TEC: variants seen among roughly 807,000 people sequenced by gnomAD.
TEC encodes the protein tyrosine-protein kinase Tec.
A neutral mutation model predicts 93.0 loss-of-function variants in TEC; 72 were observed. The ratio of observed to expected loss-of-function variants is 0.77; its 90% CI spans 0.64 to 0.94. The LOEUF is 0.94. Ranked by LOEUF, TEC falls within the 40% of genes least tolerant of loss-of-function variation. TEC has a pLI of 0.00. For synonymous variants in TEC, 249 were observed against 247.7 expected (o/e 1.01, Z -0.05); for missense variants, 630 against 757.9 (o/e 0.83, Z 1.98).
rs1176224543 is a variant in TEC at position 48,185,812 on chromosome 4, CTCCCCCTCCCCCTCTCCCA to C, written c.139-9645_139-9627del. On this transcript the variant is annotated intron_variant, in intron 2 of 17. Coordinates refer to ENST00000381501, the MANE Select transcript of TEC (RefSeq NM_003215.3). ...CTCCCCCTCCCCCTCTCCCATCTCC[CTCCCCCTCCCCCTCTCCCA>C]TCTCCCTCTCCCTCTCCCTCTCCCG... 8.5e-5 allele frequency among the ~76,000 whole-genome samples: 11 copies of C among 129,930 alleles called. No homozygotes were observed. The East Asian group carries it at 1.2e-3, about 14-fold the overall frequency. 85.2% of individuals were successfully genotyped at this position (129,930 alleles called of 152,430 possible).
chr4:48,217,245 A>G (rs1723110490), intron 2 of TEC, among the ~76,000 whole-genome samples: 1 of 152,134 alleles, frequency 6.6e-6, no homozygotes, highest in Non-Finnish European at 1.5e-5. Flanking sequence ...TTGGGATTAC[A>G]GGTGCCCGCC....
At chr4:48,208,419 A>G (rs1475290706) in intron 2 of TEC, among the ~76,000 whole-genome samples, 1 of 152,096 alleles carries the variant, frequency 6.6e-6, no homozygotes, top group African/African-American at 2.4e-5. Context: ...TCCCATCTCA[A>G]AACCCTCCAA....
chr4:48,194,518 A>G (rs1002231068), intron 2 of TEC, among the ~76,000 whole-genome samples: 1 of 152,176 alleles, frequency 6.6e-6, no homozygotes, highest in Non-Finnish European at 1.5e-5. Context: ...CAGCTTTCCT[A>G]TACCCTTTGC....
intron 9 of TEC, 60 bp downstream of exon 9, chr4:48,156,620 A>T: frequency 6.9e-7 from 1 of 1,455,518 alleles, no homozygotes; most frequent in Non-Finnish European, 9.5e-7. Flanking sequence ...GGAACTACTT[A>T]TTATGGACTC....
At chr4:48,219,346 G>A (rs952850085) in intron 2 of TEC, among the ~76,000 whole-genome samples, 1 of 152,156 alleles carries the variant, frequency 6.6e-6, no homozygotes, top group Non-Finnish European at 1.5e-5. Context: ...TTCCTTGGAG[G>A]AGTCAGGGAA....
At chr4:48,257,740 C>G (rs1577675184) in intron 1 of TEC, among the ~76,000 whole-genome samples, 3 of 152,224 alleles carry the variant, frequency 2.0e-5, no homozygotes, top group Admixed American at 2.0e-4. Flanking sequence ...TGAATGATTT[C>G]CTTTGTGTTA....
chr4:48,219,963 G>A (rs1337899179), intron 2 of TEC, among the ~76,000 whole-genome samples: 2 of 151,906 alleles, frequency 1.3e-5, no homozygotes, highest in Non-Finnish European at 2.9e-5. Context: ...GTGGCATTTT[G>A]GGAAGAGCAC....
At chr4:48,262,201 C>CTTTTTTT (rs10659576) in intron 1 of TEC, among the ~76,000 whole-genome samples, 1 of 80,208 alleles carries the variant, frequency 1.2e-5, no homozygotes, top group East Asian at 4.9e-4. Context: ...CCAAATGTCT[C>CTTTTTTT]TTTTTTTTTT....
At chr4:48,190,331 T>A (rs1158888873) in intron 2 of TEC, among the ~76,000 whole-genome samples, 1 of 152,200 alleles carries the variant, frequency 6.6e-6, no homozygotes. Flanking sequence ...ACAACAAATT[T>A]CAATTTATCA....
chr4:48,230,505 G>C (rs1426836672), intron 1 of TEC, among the ~76,000 whole-genome samples: 1 of 152,116 alleles, frequency 6.6e-6, no homozygotes, highest in African/African-American at 2.4e-5. Context: ...CCCACATCTG[G>C]ACCATGAGAG....
At chr4:48,225,237 C>A (rs1723408473) in intron 2 of TEC, among the ~76,000 whole-genome samples, 1 of 151,948 alleles carries the variant, frequency 6.6e-6, no homozygotes, top group African/African-American at 2.4e-5. Flanking sequence ...GTGCGTGGTA[C>A]AACCTCAGCT....
At chr4:48,266,131 T>C (rs1009935992) in intron 1 of TEC, among the ~76,000 whole-genome samples, 4 of 152,198 alleles carry the variant, frequency 2.6e-5, no homozygotes, top group Non-Finnish European at 4.4e-5. Flanking sequence ...AAACTATCAA[T>C]TGTCAGTTGA....
rs763921020 is a variant in TEC, at chr4:48,146,336, C to T, written c.1070G>A (p.Gly357Glu). The T allele has an allele frequency of 2.5e-6, 4 of 1,613,614 alleles. No homozygotes were observed. The highest frequency in any genetic ancestry group is 2.7e-5 in the African/African-American group (2 of 75,022). Reference protein sequence around the residue: ...VKGKNAPTTAGFSYEKWEINP... With the variant: ...VKGKNAPTTAEFSYEKWEINP... ...AAAATAAGAGTTACCATAGCTGAAT[C>T]CTGCAGTGGTGGGTGCATTCTTCCC... Residue 357 changes from glycine (G) to glutamate (E), a missense_variant, in exon 12 of 18, where the codon GGA becomes GAA. Physicochemically the swap from Gly to Glu is moderately conservative, Grantham distance 98 (BLOSUM62 -2). Around this residue, in one of 3 missense-constraint regions of TEC, gnomAD observed 289 missense variants for 390.0 expected, o/e 0.74. Transcript: ENST00000381501.
At position 48,203,533 on chromosome 4, in the gene TEC, C is replaced by T; in HGVS notation, c.138+24944G>A. On this transcript the variant is annotated intron_variant, in intron 2 of 17. Coordinates refer to ENST00000381501, the MANE Select transcript of TEC (RefSeq NM_003215.3). ...CCCATGAGAGCAAAGGAAGGTGTAACCCCAACATGATGGTCCCCATGTGAC... is the reference window on the plus strand; with the variant it reads ...CCCATGAGAGCAAAGGAAGGTGTAATCCCAACATGATGGTCCCCATGTGAC... Among the ~76,000 whole-genome samples, 5 of 152,210 alleles carry T rather than the reference C, an allele frequency of 3.3e-5. No individual in the cohort carries two copies. In the South Asian group the frequency reaches 1.0e-3, roughly 32 times the overall value.
At chr4:48,259,912 C>T (rs1184797303) in intron 1 of TEC, among the ~76,000 whole-genome samples, 1 of 152,092 alleles carries the variant, frequency 6.6e-6, no homozygotes, top group Non-Finnish European at 1.5e-5. Context: ...TTCCTGAGGA[C>T]ATAAGATGCC....
chr4:48,138,602 T>C (rs1010871170), intron 17 of TEC, 63 bp downstream of exon 17: 20 of 1,524,646 alleles, frequency 1.3e-5, no homozygotes, highest in Non-Finnish European at 1.8e-5. Context: ...AGACTGCATG[T>C]TATCCATCTA....
chr4:48,225,366 G>T (rs1032316179), intron 2 of TEC, among the ~76,000 whole-genome samples: 8 of 152,084 alleles, frequency 5.3e-5, no homozygotes, highest in African/African-American at 1.9e-4. Context: ...TAGTAGAGAC[G>T]GGGTTTCACC....
intron 2 of TEC, among the ~76,000 whole-genome samples, chr4:48,186,080 A>G (rs1275885712): frequency 6.6e-6 from 1 of 152,180 alleles, no homozygotes; most frequent in Non-Finnish European, 1.5e-5. Flanking sequence ...GCTGGTCTCC[A>G]GCTCCTGACC....
chr4:48,171,674 GA>G (rs560137024), intron 3 of TEC, among the ~76,000 whole-genome samples: 72 of 152,154 alleles, frequency 4.7e-4, no homozygotes, highest in Non-Finnish European at 8.5e-4. Context: ...ATGTTTTATA[GA>G]AAAAAATATA....
Sources: allele counts gnomAD v4.1 joint callset (sites outside exome capture counted in the v4.1 genomes callset), GRCh38; gene constraint gnomAD v4.1.1; regional missense constraint gnomAD v4.1.1; transcripts MANE v1.5; gene names NCBI Gene and HGNC (gene_info 2026-07-23, HGNC 2026-07-21).